Variants in TMEM108 observed in about 807,000 individuals in gnomAD.
TMEM108 encodes cancer/testis antigen 124.
Under a neutral mutation model 35.1 loss-of-function variants are expected in TMEM108, and 12 were observed. The observed-to-expected ratio is 0.34, with a 90% CI of 0.22 to 0.55. The LOEUF (loss-of-function observed/expected upper bound fraction) is 0.55, where lower values mean the gene tolerates loss of function less well. Ranked by LOEUF, TMEM108 falls within the 20% of genes least tolerant of loss-of-function variation. TMEM108 has a pLI of 0.89. For missense variants in TMEM108, 680 were observed against 753.3 expected (o/e 0.90, Z 1.14); for synonymous variants, 287 against 308.6 (o/e 0.93, Z 0.73).
chr3:133,243,552 GTT>G (rs1946341644), intron 3 of TMEM108, among the ~76,000 whole-genome samples: 1 of 151,366 alleles, frequency 6.6e-6, no homozygotes, highest in Admixed American at 6.6e-5. Context: ...ACGGAGTCTC[GTT>G]CTGTCACCCA....
At chr3:133,281,088 G>A (rs1946905464) in intron 3 of TMEM108, among the ~76,000 whole-genome samples, 1 of 152,160 alleles carries the variant, frequency 6.6e-6, no homozygotes, top group African/African-American at 2.4e-5. Context: ...ATTGTAAGGG[G>A]CATAAATACT....
chr3:133,356,038 G>T (rs2072156090), intron 3 of TMEM108, among the ~76,000 whole-genome samples: 1 of 152,088 alleles, frequency 6.6e-6, no homozygotes, highest in African/African-American at 2.4e-5. Flanking sequence ...CAAACTGTCA[G>T]TGTTCTCCAA....
chr3:133,276,721 A>G (rs1239766627), intron 3 of TMEM108, among the ~76,000 whole-genome samples: 1 of 152,154 alleles, frequency 6.6e-6, no homozygotes, highest in Admixed American at 6.5e-5. Flanking sequence ...CTTTCTCTAA[A>G]TGCCTCAGAA....
intron 3 of TMEM108, among the ~76,000 whole-genome samples, chr3:133,281,366 A>G (rs1946909712): frequency 6.6e-6 from 1 of 152,236 alleles, no homozygotes. Flanking sequence ...GTGCACACAC[A>G]GGTGTGTGTA....
At chr3:133,327,019 A>G (rs1020195915) in intron 3 of TMEM108, among the ~76,000 whole-genome samples, 1 of 152,202 alleles carries the variant, frequency 6.6e-6, no homozygotes, top group Non-Finnish European at 1.5e-5. Context: ...CCTTTCAGGT[A>G]CAGCTTTTCA....
intron 3 of TMEM108, among the ~76,000 whole-genome samples, chr3:133,261,451 G>A (rs917350657): frequency 5.3e-5 from 8 of 152,222 alleles, no homozygotes; most frequent in Middle Eastern, 3.4e-3. Context: ...AGCAGACATC[G>A]TCACTCTTCC....
intron 3 of TMEM108, among the ~76,000 whole-genome samples, chr3:133,348,554 T>C (rs772689679): frequency 2.0e-5 from 3 of 152,186 alleles, no homozygotes; most frequent in Non-Finnish European, 4.4e-5. Flanking sequence ...CTCAGCTGAC[T>C]CCACAGGTAG....
intron 2 of TMEM108, among the ~76,000 whole-genome samples, chr3:133,174,348 G>C (rs1047748292): frequency 1.3e-5 from 2 of 152,224 alleles, no homozygotes; most frequent in Non-Finnish European, 2.9e-5. Context: ...TGAGCACGCA[G>C]CTGGAGATCT....
At chr3:133,369,094 A>G (rs2072582855) in intron 3 of TMEM108, among the ~76,000 whole-genome samples, 1 of 152,224 alleles carries the variant, frequency 6.6e-6, no homozygotes, top group Admixed American at 6.5e-5. Context: ...AAAATTACAA[A>G]GCCAAGATTG....
At chr3:133,311,545 A>G (rs2071128574) in intron 3 of TMEM108, among the ~76,000 whole-genome samples, 1 of 152,174 alleles carries the variant, frequency 6.6e-6, no homozygotes. Flanking sequence ...TTCTCGTGCC[A>G]TGGTTTTCAG....
At chr3:133,376,647 G>C (rs2072849119) in intron 3 of TMEM108, among the ~76,000 whole-genome samples, 1 of 152,080 alleles carries the variant, frequency 6.6e-6, no homozygotes, top group African/African-American at 2.4e-5. Flanking sequence ...GACAATTTGA[G>C]GTGCAGCCTA....
chr3:133,244,496 C>T (rs945332952), intron 3 of TMEM108, among the ~76,000 whole-genome samples: 1 of 152,184 alleles, frequency 6.6e-6, no homozygotes, highest in African/African-American at 2.4e-5. Context: ...AAACATTTGT[C>T]ATATGCCCCT....
At chr3:133,324,788 C>A (rs966957253) in intron 3 of TMEM108, among the ~76,000 whole-genome samples, 1 of 152,136 alleles carries the variant, frequency 6.6e-6, no homozygotes, top group Non-Finnish European at 1.5e-5. Context: ...CCAGCCTGGC[C>A]AAAATGGTAA....
rs1286975934 is a variant in TMEM108 at position 133,382,980 on chromosome 3, AATGAAAACAGCTTTATTGTCTCTC to A, written c.1450+1829_1450+1852del. 6.6e-5 allele frequency among the ~76,000 whole-genome samples: 10 copies of A among 152,348 alleles called. No individual in the cohort carries two copies. The South Asian group carries it at 8.3e-4, about 13-fold the overall frequency. ...TTTGCAAGTTGCATATTTCATTCTT[AATGAAAACAGCTTTATTGTCTCTC>A]ATGAAAACACACATTTACACATTTA... On this transcript the variant is annotated intron_variant, in intron 4 of 5. Coordinates refer to ENST00000321871, the MANE Select transcript of TMEM108 (RefSeq NM_023943.4).
At chr3:133,301,016 AC>A (rs1947217740) in intron 3 of TMEM108, among the ~76,000 whole-genome samples, 1 of 86,202 alleles carries the variant, frequency 1.2e-5, no homozygotes, top group African/African-American at 3.6e-5. Context: ...ACACACACAC[AC>A]ACACACACAC....
chr3:133,299,351 A>G (rs1234040990), intron 3 of TMEM108, among the ~76,000 whole-genome samples: 1 of 152,180 alleles, frequency 6.6e-6, no homozygotes, highest in Non-Finnish European at 1.5e-5. Context: ...ATGTTTTGAC[A>G]TCCTGTAGAC....
intron 3 of TMEM108, among the ~76,000 whole-genome samples, chr3:133,320,092 C>T (rs968735777): frequency 2.0e-5 from 3 of 152,086 alleles, no homozygotes; most frequent in African/African-American, 7.2e-5. Flanking sequence ...ACATAGACTC[C>T]ATCTCCACAT....
At chr3:133,124,998 G>A (rs919920196) in intron 2 of TMEM108, 1 of 152,186 alleles carries the variant, frequency 6.6e-6, no homozygotes, top group African/African-American at 2.4e-5. Context: ...AAAATTATAT[G>A]GGGAGCTCTT....
chr3:133,228,241 G>A (rs1301811812), intron 2 of TMEM108, among the ~76,000 whole-genome samples: 2 of 150,862 alleles, frequency 1.3e-5, no homozygotes, highest in African/African-American at 4.9e-5. Flanking sequence ...GATGTCATGA[G>A]AAAACAAAAA....
Sources: allele counts gnomAD v4.1 joint callset (sites outside exome capture counted in the v4.1 genomes callset), GRCh38; gene constraint gnomAD v4.1.1; transcripts MANE v1.5; gene names NCBI Gene and HGNC (gene_info 2026-07-23, HGNC 2026-07-21).